Variants in MARCHF1 observed in about 807,000 individuals in gnomAD.
MARCHF1 encodes membrane associated ring-CH-type finger 1.
MARCHF1 carries 40 observed loss-of-function variants against 54.2 expected under a neutral mutation model. The ratio of observed to expected loss-of-function variants is 0.74; its 90% CI spans 0.57 to 0.96. MARCHF1 has a LOEUF of 0.96. Among genes scored for constraint, MARCHF1 ranks in the 40% least tolerant of loss-of-function variants. MARCHF1 has a pLI of 0.00. For missense variants in MARCHF1, 586 were observed against 656.5 expected (o/e 0.89, Z 1.17); for synonymous variants, 236 against 236.3 (o/e 1.00, Z 0.01).
At chr4:163,889,738 C>G (rs1750612905) in intron 3 of MARCHF1, among the ~76,000 whole-genome samples, 1 of 151,954 alleles carries the variant, frequency 6.6e-6, no homozygotes, top group Admixed American at 6.6e-5. Flanking sequence ...AGACCAGAAG[C>G]CATTTACTCC....
intron 4 of MARCHF1, among the ~76,000 whole-genome samples, chr4:163,767,708 C>T (rs1212999147): frequency 6.6e-6 from 1 of 152,112 alleles, no homozygotes; most frequent in Non-Finnish European, 1.5e-5. Flanking sequence ...CTGATCTACC[C>T]TCATCTGTAT....
intron 2 of MARCHF1, among the ~76,000 whole-genome samples, chr4:164,091,621 A>C (rs1376396953): frequency 1.3e-5 from 2 of 151,864 alleles, no homozygotes; most frequent in African/African-American, 2.4e-5. Flanking sequence ...CAGGCTACAA[A>C]CTGGAGATTC....
At chr4:163,760,456 A>G (rs139201452) in intron 4 of MARCHF1, among the ~76,000 whole-genome samples, 130 of 152,272 alleles carry the variant, frequency 8.5e-4, no homozygotes, top group African/African-American at 3.1e-3. Flanking sequence ...ATACATAACT[A>G]GTTTATTCTA....
At position 164,021,867 on chromosome 4, in the gene MARCHF1, T is replaced by TTATA. The variant is rs375853031; in HGVS notation, c.-247-33162_-247-33159dup. Among the ~76,000 whole-genome samples the TTATA allele has an allele frequency of 1.5e-3, 219 of 147,044 alleles. 2 individuals are homozygous for TTATA. Among genetic ancestry groups the TTATA allele is most frequent in the African/African-American group, 4.9e-3 (199 of 40,328 alleles). ...GAACCTCCATGTCAAAAAAAAAAAATTATATATATATATATATGGTCCATT... is the reference window on the plus strand; with the variant it reads ...GAACCTCCATGTCAAAAAAAAAAAATTATATATATATATATATATATGGTCCATT... On this transcript the variant is annotated intron_variant, in intron 2 of 9. Coordinates refer to ENST00000514618, the MANE Select transcript of MARCHF1 (RefSeq NM_001394959.1).
At chr4:164,130,903 GCTTT>G (rs755815362) in intron 1 of MARCHF1, among the ~76,000 whole-genome samples, 10 of 152,086 alleles carry the variant, frequency 6.6e-5, no homozygotes, top group Non-Finnish European at 1.3e-4. Context: ...AATGTTATAA[GCTTT>G]ATTTTAAGTA....
At chr4:164,087,296 A>G (rs1215631396) in intron 2 of MARCHF1, among the ~76,000 whole-genome samples, 1 of 152,138 alleles carries the variant, frequency 6.6e-6, no homozygotes, top group Non-Finnish European at 1.5e-5. Context: ...ATACAAATGT[A>G]TTGTCTAGAA....
In MARCHF1 at chr4:164,174,338, G is replaced by T. The variant is rs376348076; in HGVS notation, c.-322-62676C>A. 2.1e-3 allele frequency among the ~76,000 whole-genome samples: 314 copies of T among 152,300 alleles called. 11 individuals carry two copies. In the South Asian group the frequency reaches 0.063, roughly 31 times the overall value. Reference sequence around the variant, plus strand: ...TTGATTGAAGTGAAGTAAATACAGGGCTTAAAAGTGAGCATTTCTAGAAAA... The same window carrying T: ...TTGATTGAAGTGAAGTAAATACAGGTCTTAAAAGTGAGCATTTCTAGAAAA... On this transcript the variant is annotated intron_variant, in intron 1 of 9. Coordinates refer to ENST00000514618, the MANE Select transcript of MARCHF1 (RefSeq NM_001394959.1).
At position 164,369,122 on chromosome 4, in the gene MARCHF1, G is replaced by T. The variant is rs141292535; in HGVS notation, c.-323+14748C>A. Among the ~76,000 whole-genome samples the T allele has an allele frequency of 7.7e-4, 118 of 152,258 alleles. No individual in the cohort carries two copies. In the East Asian group the frequency reaches 0.021, roughly 28 times the overall value. ...GGGCTGCTCCGGGGATGAGGGTGGT[G>T]GTTTAACCCGGGTCTAGGTGGCTCT... On this transcript the variant is annotated intron_variant, in intron 1 of 9. Coordinates refer to ENST00000514618, the MANE Select transcript of MARCHF1 (RefSeq NM_001394959.1).
At chr4:163,862,906 T>C (rs944814911) in intron 3 of MARCHF1, among the ~76,000 whole-genome samples, 11 of 151,908 alleles carry the variant, frequency 7.2e-5, no homozygotes, top group African/African-American at 2.7e-4. Flanking sequence ...TATCAAACCA[T>C]AAAAAGACAT....
chr4:163,534,375 A>G (rs1051003680), intron 9 of MARCHF1, among the ~76,000 whole-genome samples: 2 of 152,026 alleles, frequency 1.3e-5, no homozygotes, highest in African/African-American at 2.4e-5. Context: ...AATTCCCTAC[A>G]TCGTAGTCCA....
intron 2 of MARCHF1, among the ~76,000 whole-genome samples, chr4:164,052,238 T>C (rs1249778149): frequency 7.8e-6 from 1 of 127,976 alleles, no homozygotes; most frequent in East Asian, 2.1e-4. Context: ...ATAAAGATAA[T>C]GTGGCTGGGC....
chr4:163,765,922 T>A (rs1363472819), intron 4 of MARCHF1, among the ~76,000 whole-genome samples: 1 of 147,768 alleles, frequency 6.8e-6, no homozygotes, highest in Non-Finnish European at 1.5e-5. Context: ...TATATAATTA[T>A]ATATAATACA....
intron 8 of MARCHF1, among the ~76,000 whole-genome samples, chr4:163,572,430 A>G (rs1285929876): frequency 6.6e-6 from 1 of 151,800 alleles, no homozygotes; most frequent in Non-Finnish European, 1.5e-5. Context: ...TGTTTTACAG[A>G]TGAAGAAACT....
intron 8 of MARCHF1, among the ~76,000 whole-genome samples, chr4:163,568,259 A>C (rs1739716308): frequency 6.6e-6 from 1 of 152,116 alleles, no homozygotes; most frequent in Non-Finnish European, 1.5e-5. Context: ...TCCTCTGGGG[A>C]CCCTGAGACC....
intron 5 of MARCHF1, 60 bp from the exon 6 acceptor site, chr4:163,613,453 T>C (rs766961413): frequency 2.5e-6 from 4 of 1,612,912 alleles, no homozygotes; most frequent in Non-Finnish European, 3.4e-6. Flanking sequence ...GTTGATATCT[T>C]GCTTTTTTTC....
intron 1 of MARCHF1, among the ~76,000 whole-genome samples, chr4:164,350,649 A>G (rs1490019679): frequency 1.3e-5 from 2 of 150,902 alleles, no homozygotes; most frequent in East Asian, 3.9e-4. Flanking sequence ...CAACTAAAAG[A>G]AAAAGAAAAA....
At chr4:163,728,739 C>A (rs1359340212) in intron 4 of MARCHF1, among the ~76,000 whole-genome samples, 2 of 152,170 alleles carry the variant, frequency 1.3e-5, no homozygotes, top group African/African-American at 4.8e-5. Context: ...AATCATATTT[C>A]ATGAACAAAG....
intron 2 of MARCHF1, among the ~76,000 whole-genome samples, chr4:164,031,909 C>A (rs936223289): frequency 3.3e-5 from 5 of 152,158 alleles, no homozygotes; most frequent in Admixed American, 2.0e-4. Context: ...AGGAATAGTA[C>A]CAGCTCCTCT....
chr4:163,699,960 T>TTTG (rs1310960639), intron 5 of MARCHF1, among the ~76,000 whole-genome samples: 11 of 127,460 alleles, frequency 8.6e-5, no homozygotes, highest in South Asian at 2.5e-4. Flanking sequence ...TAGGGAATAT[T>TTTG]TTGTTTTTTT....
Sources: allele counts gnomAD v4.1 joint callset (sites outside exome capture counted in the v4.1 genomes callset), GRCh38; gene constraint gnomAD v4.1.1; transcripts MANE v1.5; gene names NCBI Gene and HGNC (gene_info 2026-07-23, HGNC 2026-07-21).